The following GRID2 variants were observed in gnomAD, a reference collection of about 807,000 sequenced individuals.
The protein encoded by GRID2 is glutamate receptor ionotropic, delta-2.
Under a neutral mutation model 114.8 loss-of-function variants are expected in GRID2, and 33 were observed. That is an observed-to-expected ratio of 0.29 (90% CI 0.22 to 0.38). GRID2 has a LOEUF of 0.38. Among genes scored for constraint, GRID2 ranks in the 10% least tolerant of loss-of-function variants. GRID2 has a pLI of 1.00. For synonymous variants in GRID2, 505 were observed against 449.9 expected, an observed-to-expected ratio of 1.12 and a Z score of -1.55; for missense variants, 1,184 against 1,257.7, an observed-to-expected ratio of 0.94 and a Z score of 0.89.
At chr4:92,664,274 G>A (rs905470538) in intron 2 of GRID2, among the ~76,000 whole-genome samples, 2 of 151,062 alleles carry the variant, frequency 1.3e-5, no homozygotes, top group African/African-American at 4.8e-5. Flanking sequence ...GTTTTGGTTT[G>A]TTGCATTTTT....
intron 2 of GRID2, among the ~76,000 whole-genome samples, chr4:92,914,813 G>C (rs1432609118): frequency 6.6e-6 from 1 of 152,120 alleles, no homozygotes; most frequent in South Asian, 2.1e-4. Context: ...TTTAAATCCA[G>C]TCTATCATTG....
intron 4 of GRID2, among the ~76,000 whole-genome samples, chr4:93,184,806 CT>C (rs1740247356): frequency 6.6e-6 from 1 of 152,064 alleles, no homozygotes; most frequent in Non-Finnish European, 1.5e-5. Context: ...CACTTGAACC[CT>C]AGAGGCAGAA....
intron 1 of GRID2, among the ~76,000 whole-genome samples, chr4:92,541,568 C>G (rs995130411): frequency 1.3e-5 from 2 of 151,836 alleles, no homozygotes; most frequent in African/African-American, 4.8e-5. Flanking sequence ...AAAGCCAGTA[C>G]TATTTATCAA....
intron 3 of GRID2, among the ~76,000 whole-genome samples, chr4:93,096,855 C>T (rs879716786): frequency 2.0e-5 from 3 of 151,894 alleles, no homozygotes; most frequent in Admixed American, 6.6e-5. Flanking sequence ...AATTCTTGTA[C>T]AAGAATATTC....
intron 8 of GRID2, among the ~76,000 whole-genome samples, chr4:93,378,180 TGAAAA>T (rs1372197282): frequency 9.9e-5 from 15 of 152,156 alleles, no homozygotes; most frequent in Non-Finnish European, 1.9e-4. Flanking sequence ...CTGTCTGCTC[TGAAAA>T]TAATTTAATA....
chr4:92,969,960 T>C (rs1265572281), intron 2 of GRID2, among the ~76,000 whole-genome samples: 2 of 151,942 alleles, frequency 1.3e-5, no homozygotes, highest in Non-Finnish European at 2.9e-5. Context: ...AAATGTATTC[T>C]CAGTCAGATT....
chr4:92,314,930 A>G (rs779546385), intron 1 of GRID2, among the ~76,000 whole-genome samples: 1 of 152,182 alleles, frequency 6.6e-6, no homozygotes, highest in East Asian at 1.9e-4. Flanking sequence ...TATCATATTC[A>G]TATGATTTCT....
rs747118388 is a variant in GRID2, at chr4:92,490,551, C to T, written c.89-99580C>T. Among the ~76,000 whole-genome samples the T allele has an allele frequency of 3.9e-5, 6 of 152,224 alleles. No individual in the cohort carries two copies. In the East Asian group the frequency reaches 5.8e-4, roughly 15 times the overall value. ...ATTTAGACTCTGGATAGTTATTTTA[C>T]GTTGGTTTATTGTTCTCACCTCCAT... is the stretch of plus-strand genomic sequence containing the variant. On this transcript the variant is annotated intron_variant, in intron 1 of 15. Transcript: ENST00000282020.
chr4:93,020,768 C>A (rs1723199897), intron 2 of GRID2, among the ~76,000 whole-genome samples: 1 of 152,156 alleles, frequency 6.6e-6, no homozygotes, highest in Non-Finnish European at 1.5e-5. Flanking sequence ...TGCGGTGGCA[C>A]ATGCCTGTAA....
chr4:93,695,171 G>A (rs1480962785), intron 14 of GRID2, among the ~76,000 whole-genome samples: 5 of 110,796 alleles, frequency 4.5e-5, no homozygotes, highest in African/African-American at 1.4e-4. Flanking sequence ...ACTCCGTCTC[G>A]GAAAAAAAAA....
intron 2 of GRID2, among the ~76,000 whole-genome samples, chr4:92,894,618 T>G (rs1050398137): frequency 3.3e-5 from 5 of 152,210 alleles, no homozygotes; most frequent in Non-Finnish European, 7.4e-5. Context: ...ATTCCTACTA[T>G]GTACTATATT....
intron 8 of GRID2, among the ~76,000 whole-genome samples, chr4:93,362,310 G>T (rs1181448421): frequency 1.3e-5 from 2 of 151,958 alleles, no homozygotes; most frequent in Non-Finnish European, 2.9e-5. Context: ...GTGGGTGTGT[G>T]GGGAGTTGTT....
chr4:92,504,305 A>G (rs922708285), intron 1 of GRID2, among the ~76,000 whole-genome samples: 16 of 152,056 alleles, frequency 1.1e-4, no homozygotes, highest in Non-Finnish European at 4.4e-5. Context: ...AGAATGGGAG[A>G]AAAACCCAAA....
At chr4:93,344,062 T>C (rs1192519979) in intron 8 of GRID2, among the ~76,000 whole-genome samples, 3 of 152,036 alleles carry the variant, frequency 2.0e-5, no homozygotes, top group African/African-American at 7.2e-5. Flanking sequence ...CTTTCCAAAG[T>C]AATAGTTATA....
chr4:92,416,536 G>T (rs1731624915), intron 1 of GRID2, among the ~76,000 whole-genome samples: 1 of 152,046 alleles, frequency 6.6e-6, no homozygotes. Flanking sequence ...TAAAATTTCA[G>T]GTCTTAGATT....
At chr4:92,887,025 C>A (rs1038467108) in intron 2 of GRID2, among the ~76,000 whole-genome samples, 5 of 152,130 alleles carry the variant, frequency 3.3e-5, no homozygotes, top group African/African-American at 1.2e-4. Context: ...TCTTCAATTT[C>A]CTTGCTGTGT....
intron 1 of GRID2, among the ~76,000 whole-genome samples, chr4:92,495,101 C>G (rs1723324216): frequency 6.6e-6 from 1 of 151,922 alleles, no homozygotes; most frequent in Non-Finnish European, 1.5e-5. Flanking sequence ...CATGTGGAAT[C>G]TATTATAATG....
chr4:92,401,219 T>A (rs1730774058), intron 1 of GRID2, among the ~76,000 whole-genome samples: 1 of 152,188 alleles, frequency 6.6e-6, no homozygotes, highest in South Asian at 2.1e-4. Flanking sequence ...ATTTACATTT[T>A]TAACATTTCT....
At chr4:93,364,921 G>C (rs1019368126) in intron 8 of GRID2, among the ~76,000 whole-genome samples, 1 of 152,052 alleles carries the variant, frequency 6.6e-6, no homozygotes, top group Non-Finnish European at 1.5e-5. Flanking sequence ...CATTAGTCCT[G>C]ATATATCATT....
Sources: allele counts gnomAD v4.1 joint callset (sites outside exome capture counted in the v4.1 genomes callset), GRCh38; gene constraint gnomAD v4.1.1; transcripts MANE v1.5; gene names NCBI Gene and HGNC (gene_info 2026-07-23, HGNC 2026-07-21).